The following CC2D2B variants were observed in gnomAD, a reference collection of about 807,000 sequenced individuals.
CC2D2B encodes protein CC2D2B.
A neutral mutation model predicts 161.2 loss-of-function variants in CC2D2B; 128 were observed. That is an observed-to-expected ratio of 0.79 (90% CI 0.69 to 0.92). The LOEUF is 0.92. Among genes scored for constraint, CC2D2B ranks in the 40% least tolerant of loss-of-function variants. CC2D2B has a pLI of 0.00. For synonymous variants in CC2D2B, 391 were observed against 449.8 expected (o/e 0.87, Z 1.65); for missense variants, 1,173 against 1,375.1 (o/e 0.85, Z 2.32).
At chr10:96,010,537 T>C (rs1564667241) in intron 26 of CC2D2B, among the ~76,000 whole-genome samples, 3 of 152,252 alleles carry the variant, frequency 2.0e-5, no homozygotes, top group Non-Finnish European at 2.9e-5. Flanking sequence ...AAAACTAACA[T>C]TTCAGTACAA....
chr10:96,012,345 C>A lies in CC2D2B; in HGVS notation c.3206C>A (p.Thr1069Asn). 1.4e-6 allele frequency: 1 copy of A among 698,236 alleles called. No individual in the cohort carries two copies. The highest frequency in any genetic ancestry group is 1.6e-5 in the South Asian group (1 of 63,820). 43.3% of individuals were successfully genotyped at this position (698,236 alleles called of 1,614,324 possible). ...ATTGAACCTCAAATATCATATGTCA[C>A]CTGTAATCCAACACTAGATAAGGTA... ...ATIEPQISYV[T>N]CNPTLDKFLD... Residue 1069 changes from threonine (T) to asparagine (N), a missense_variant, in exon 27 of 35, where the codon ACC becomes AAC. Thr to Asn is a moderately conservative substitution (Grantham distance 65, BLOSUM62 0). Around this residue, in one of 3 missense-constraint regions of CC2D2B, gnomAD observed 598 missense variants for 693.2 expected, o/e 0.86. Transcript: ENST00000646931.
At chr10:95,937,962 A>C (rs1047653052) in intron 6 of CC2D2B, 29 bp from the exon 7 acceptor site, 21 of 1,306,662 alleles carry the variant, frequency 1.6e-5, no homozygotes. Context: ...CAAGCATGTA[A>C]ACTTATTTTC....
chr10:95,925,575 CA>C (rs2141185491), intron 5 of CC2D2B, among the ~76,000 whole-genome samples: 1 of 152,242 alleles, frequency 6.6e-6, no homozygotes, highest in East Asian at 1.9e-4. Flanking sequence ...CTTGAAATGA[CA>C]AAACAACTCA....
At chr10:96,000,057 C>G in intron 24 of CC2D2B, 1 of 1,471,242 alleles carries the variant, frequency 6.8e-7, no homozygotes, top group Non-Finnish European at 9.1e-7. Context: ...ACATTGTAGA[C>G]TCTTCCAGTT....
In CC2D2B at chr10:95,983,693, A is replaced by G. The variant is rs1380467281; in HGVS notation, c.2170A>G (p.Met724Val). 4.1e-6 allele frequency: 5 copies of G among 1,231,256 alleles called. No individual in the cohort carries two copies. The highest frequency in any genetic ancestry group is 5.1e-6 in the Non-Finnish European group (5 of 987,242). 76.3% of individuals were successfully genotyped at this position (1,231,256 alleles called of 1,614,324 possible). A position where few individuals can be genotyped will look rare whatever the true frequency, so the allele number is the denominator to read the frequency against. The part of the protein sequence containing the change: ...DEFNFVSEEE[M>V]AKSKRFQLLQ... ...ATTTAACTTCGTTTCTGAAGAGGAA[A>G]TGGCAAAGAGTAAACGTTTCCAGCT... The change falls in exon 19 of 35, where the codon ATG (methionine) becomes GTG (valine). Residue 724 changes from methionine to valine, a missense_variant. Transcript: ENST00000646931.
At position 96,013,873 on chromosome 10, in the gene CC2D2B, C is replaced by T; in HGVS notation, c.3512C>T (p.Ser1171Leu). The change falls in exon 29 of 35, where the codon TCA becomes TTA. Residue 1171 changes from serine to leucine, a missense_variant. Transcript: ENST00000646931. ...ENDGSDIWMTSEHCISLAIGN... is the reference protein window; with the variant it reads ...ENDGSDIWMTLEHCISLAIGN... Reference sequence around the variant, plus strand: ...GATGGCTCTGATATATGGATGACATCAGAGGTAATAAATTACATTTTATAT... The same window carrying T: ...GATGGCTCTGATATATGGATGACATTAGAGGTAATAAATTACATTTTATAT... 6.6e-7 allele frequency: 1 copy of T among 1,512,730 alleles called. No homozygotes were observed. Among genetic ancestry groups the T allele is most frequent in the Non-Finnish European group, 9.0e-7 (1 of 1,110,904 alleles). 93.7% of individuals were successfully genotyped at this position (1,512,730 alleles called of 1,614,324 possible).
At chr10:95,958,845 T>G (rs1480301321) in intron 11 of CC2D2B, among the ~76,000 whole-genome samples, 1 of 151,590 alleles carries the variant, frequency 6.6e-6, no homozygotes, top group Non-Finnish European at 1.5e-5. Flanking sequence ...GGATAAAGGG[T>G]AAGAGGAATG....
Position 95,947,113 on chromosome 10 carries a change from A to ATATAT in CC2D2B, c.802-2782_802-2781insATATT, listed in dbSNP as rs1289243570. 1.3e-3 allele frequency among the ~76,000 whole-genome samples: 61 copies of ATATAT among 48,382 alleles called. 1 individual carries two copies. The highest frequency in any genetic ancestry group is 4.1e-3 in the African/African-American group (44 of 10,716). The allele number at this position is 48,382 out of a possible 152,430, so 31.7% of individuals were successfully genotyped here. A position where few individuals can be genotyped will look rare whatever the true frequency, so the allele number is the denominator to read the frequency against. ...TATATATATATATATATATATATATATTTTTTTTTTTTTTTTTGAGACAAA... is the reference window on the plus strand; with the variant it reads ...TATATATATATATATATATATATATATATATTTTTTTTTTTTTTTTTTGAGACAAA... On this transcript the variant is annotated intron_variant, in intron 9 of 34. Transcript: ENST00000646931.
At chr10:95,947,105 A>T (rs1329302742) in intron 9 of CC2D2B, among the ~76,000 whole-genome samples, 2 of 37,058 alleles carry the variant, frequency 5.4e-5, no homozygotes, top group African/African-American at 3.6e-4. Flanking sequence ...ATATATATAT[A>T]TATATATATT....
At chr10:95,956,007 C>T (rs2076557239) in intron 11 of CC2D2B, among the ~76,000 whole-genome samples, 1 of 152,088 alleles carries the variant, frequency 6.6e-6, no homozygotes, top group Non-Finnish European at 1.5e-5. Context: ...CACAGAATCT[C>T]TAAAAGCAGG....
At position 95,938,784 on chromosome 10, in the gene CC2D2B, A is replaced by G. The variant is rs576483954; in HGVS notation, c.673-13A>G. 8.5e-6 allele frequency: 6 copies of G among 705,984 alleles called. No homozygotes were observed. The highest frequency in any genetic ancestry group is 2.3e-4 in the Middle Eastern group (1 of 4,296). 43.7% of individuals were successfully genotyped at this position (705,984 alleles called of 1,614,324 possible). On this transcript the variant is annotated splice_polypyrimidine_tract_variant and intron_variant, in intron 8 of 34. Coordinates refer to ENST00000646931, the MANE Select transcript of CC2D2B (RefSeq NM_001349008.3). Reference sequence around the variant, plus strand: ...CAAAATATTTAATTACTATACTTAAATATTTTTGATAGGGAAAATGTTGGT... The same window carrying G: ...CAAAATATTTAATTACTATACTTAAGTATTTTTGATAGGGAAAATGTTGGT...
At chr10:96,003,666 G>C (rs2078624599) in intron 24 of CC2D2B, among the ~76,000 whole-genome samples, 1 of 151,044 alleles carries the variant, frequency 6.6e-6, no homozygotes, top group Non-Finnish European at 1.5e-5. Flanking sequence ...ATGTTAGCCA[G>C]GCTTGCCTCG....
intron 6 of CC2D2B, among the ~76,000 whole-genome samples, chr10:95,933,016 C>T (rs2075668784): frequency 6.6e-6 from 1 of 152,136 alleles, no homozygotes; most frequent in African/African-American, 2.4e-5. Flanking sequence ...TTCAGGTACA[C>T]CAATCAAATG....
At chr10:95,913,816 A>G (rs1219380365) in intron 2 of CC2D2B, among the ~76,000 whole-genome samples, 3 of 152,090 alleles carry the variant, frequency 2.0e-5, no homozygotes, top group Admixed American at 2.0e-4. Context: ...TCAGATTATT[A>G]GACATTTTCC....
intron 19 of CC2D2B, among the ~76,000 whole-genome samples, chr10:95,985,856 T>C (rs371428247): frequency 5.3e-5 from 8 of 152,288 alleles, no homozygotes; most frequent in African/African-American, 1.7e-4. Context: ...GCTCTAGGGA[T>C]GTCTGTCTTT....
chr10:95,984,281 A>C lies in CC2D2B; in HGVS notation c.2286+472A>C, dbSNP rs368820100. On this transcript the variant is annotated intron_variant, in intron 19 of 34. Coordinates refer to ENST00000646931, the MANE Select transcript of CC2D2B (RefSeq NM_001349008.3). ...GCCAGCCAGGTCTAGCACACTATCA[A>C]ATAAGGCTAGCTTTTCATATTAGTT... Among the ~76,000 whole-genome samples, 8 of 152,302 alleles carry C rather than the reference A, an allele frequency of 5.3e-5. No individual in the cohort carries two copies. In the East Asian group the frequency reaches 1.2e-3, roughly 22 times the overall value.
At chr10:96,003,190 G>A (rs2078586312) in intron 24 of CC2D2B, among the ~76,000 whole-genome samples, 1 of 151,922 alleles carries the variant, frequency 6.6e-6, no homozygotes, top group African/African-American at 2.4e-5. Context: ...CTATTGTACA[G>A]GATTGAGATT....
At position 96,012,613 on chromosome 10, in the gene CC2D2B, G is replaced by A. The variant is rs199763556; in HGVS notation, c.3310G>A (p.Val1104Ile). 2.8e-4 allele frequency: 448 copies of A among 1,612,388 alleles called. 1 individual carries two copies. The highest frequency in any genetic ancestry group is 7.1e-5 in the Non-Finnish European group (84 of 1,178,594). Residue 1104 changes from valine (V) to isoleucine (I), a missense_variant, in exon 28 of 35, where the codon GTA (valine) becomes ATA (isoleucine). Val to Ile is a conservative substitution (Grantham distance 29, BLOSUM62 3). Transcript: ENST00000646931. ...GGCAATGTTTCCCAACCGAAGAATC[G>A]TAACTACTGTTTTTAATGATGAAGG... ...CKAMFPNRRI[V>I]TTVFNDEGIQ... is the part of the protein sequence containing the mutation.
chr10:95,974,277 T>C, intron 17 of CC2D2B, 121 bp downstream of exon 17: 1 of 456,372 alleles, frequency 2.2e-6, no homozygotes, highest in Non-Finnish European at 3.6e-6. Context: ...ATTTGAATGT[T>C]GATTTATCTT....
Sources: allele counts gnomAD v4.1 joint callset (sites outside exome capture counted in the v4.1 genomes callset), GRCh38; gene constraint gnomAD v4.1.1; regional missense constraint gnomAD v4.1.1; transcripts MANE v1.5; gene names NCBI Gene and HGNC (gene_info 2026-07-23, HGNC 2026-07-21).